The following FGD5 variants were observed in gnomAD, a reference collection of about 807,000 sequenced individuals.
The protein encoded by FGD5 is FYVE, RhoGEF and PH domain containing 5, also known as FYVE, RhoGEF and PH domain-containing protein 5.
A neutral mutation model predicts 133.4 loss-of-function variants in FGD5; 28 were observed. That is an observed-to-expected ratio of 0.21 (90% CI 0.16 to 0.29). The LOEUF (loss-of-function observed/expected upper bound fraction) is 0.29, where lower values mean the gene tolerates loss of function less well. FGD5 is among the 10% of genes least tolerant of loss of function. The pLI, the probability that FGD5 is intolerant of heterozygous loss-of-function variation, is 1.00. For missense variants in FGD5, 1,858 were observed against 1,895.2 expected (o/e 0.98, Z 0.36); for synonymous variants, 810 against 776.5 (o/e 1.04, Z -0.72).
intron 1 of FGD5, among the ~76,000 whole-genome samples, chr3:14,858,665 T>C (rs1455893207): frequency 1.3e-5 from 2 of 152,200 alleles, no homozygotes; most frequent in African/African-American, 4.8e-5. Context: ...GCTGAAAATA[T>C]AGAGCCTTGC....
intron 4 of FGD5, among the ~76,000 whole-genome samples, chr3:14,890,061 G>A (rs1459461208): frequency 6.6e-6 from 1 of 151,998 alleles, no homozygotes. Flanking sequence ...AAAATTTCAT[G>A]GTTTTCAGTA....
rs2038580560 is a variant in FGD5, at chr3:14,917,409, C to G, written c.3489+77C>G. The G allele has an allele frequency of 7.7e-7, 1 of 1,307,008 alleles. No homozygotes were observed. The highest frequency in any genetic ancestry group is 1.1e-6 in the Non-Finnish European group (1 of 929,182). 81.0% of individuals were successfully genotyped at this position (1,307,008 alleles called of 1,614,324 possible). A position where few individuals can be genotyped will look rare whatever the true frequency, so the allele number is the denominator to read the frequency against. ...GGGAGAAGGGGACAGCATCCTGCTC[C>G]CAGGAGCACCCAGACCAGCTGGAAG... On this transcript the variant is annotated intron_variant, in intron 12 of 19. Coordinates refer to ENST00000285046, the MANE Select transcript of FGD5 (RefSeq NM_152536.4). The surrounding 1 kb of genome is among the most constrained non-coding windows in gnomAD (Gnocchi z 4.1).
At chr3:14,845,801 T>A (rs768006310) in intron 1 of FGD5, among the ~76,000 whole-genome samples, 5 of 152,160 alleles carry the variant, frequency 3.3e-5, no homozygotes, top group Non-Finnish European at 5.9e-5. Flanking sequence ...TTAATACACT[T>A]TATGTTCAGA....
Position 14,922,060 on chromosome 3 carries a change from C to T in FGD5, c.3669+43C>T. 6.5e-7 allele frequency: 1 copy of T among 1,536,438 alleles called. No homozygotes were observed. Among genetic ancestry groups the T allele is most frequent in the Admixed American group, 2.0e-5 (1 of 50,994 alleles). ...GCCCACGGGCCACCAGCTTCAGAGA[C>T]CTGGGGTTCCCTGGGCGGGCATTGC... is the stretch of plus-strand genomic sequence containing the variant. On this transcript the variant is annotated intron_variant, in intron 14 of 19. Coordinates refer to ENST00000285046, the MANE Select transcript of FGD5 (RefSeq NM_152536.4). The surrounding 1 kb of genome is among the most constrained non-coding windows in gnomAD (Gnocchi z 4.1).
intron 2 of FGD5, among the ~76,000 whole-genome samples, chr3:14,867,652 G>T (rs1179751414): frequency 7.3e-5 from 11 of 151,652 alleles, no homozygotes; most frequent in African/African-American, 2.7e-4. Flanking sequence ...TGGGAAGGGA[G>T]GTTTCCCAAG....
chr3:14,872,808 T>G (rs950592450), intron 2 of FGD5, among the ~76,000 whole-genome samples: 2 of 152,208 alleles, frequency 1.3e-5, no homozygotes, highest in African/African-American at 2.4e-5. Context: ...AATCAGTCTC[T>G]TGTCCAGTCA....
Position 14,917,305 on chromosome 3 carries a change from G to A in FGD5, c.3462G>A (p.Lys1154=). ...AGAAGGATGGGAAGTACCGGCTGAA[G>A]AACACATTGGCTGTGGCCAACATGA... ...YPQKDGKYRL[K]NTLAVANMKV... The change falls in exon 12 of 20, where the codon AAG becomes AAA. Residue 1154 remains lysine (K), a synonymous_variant. Coordinates refer to ENST00000285046, the MANE Select transcript of FGD5 (RefSeq NM_152536.4). This position sits in a 1 kb window ranked among gnomAD's most constrained non-coding sequence, Gnocchi z 4.1. 1 of 1,613,602 alleles carries A rather than the reference G, an allele frequency of 6.2e-7. No homozygotes were observed. The highest frequency in any genetic ancestry group is 8.5e-7 in the Non-Finnish European group (1 of 1,179,752).
rs201519051 is a variant in FGD5 at position 14,927,947 on chromosome 3, T to A, written c.4197+1749T>A. ...GCCTAGCTAATTTTTTTTTTTTTTT[T>A]AATTTTTTTTTTTGAGATGGAGACT... On this transcript the variant is annotated intron_variant, in intron 18 of 19. Coordinates refer to ENST00000285046, the MANE Select transcript of FGD5 (RefSeq NM_152536.4). Among the ~76,000 whole-genome samples, 256 of 148,820 alleles carry A rather than the reference T, an allele frequency of 1.7e-3. 1 individual carries two copies. Among genetic ancestry groups the A allele is most frequent in the African/African-American group, 5.3e-3 (213 of 40,442 alleles).
rs2036475364 is a variant in FGD5 at position 14,820,676 on chromosome 3, G to A, written c.1605G>A (p.Arg535=). 4 of 1,593,754 alleles carry A rather than the reference G, an allele frequency of 2.5e-6. No individual in the cohort carries two copies. The highest frequency in any genetic ancestry group is 2.7e-5 in the African/African-American group (2 of 74,096). ...AGGGGAAGCCCTTGGAAGCCAGCAGGGCCTTGCCAGCAAAGCCCAGGGCCT... is the reference window on the plus strand; with the variant it reads ...AGGGGAAGCCCTTGGAAGCCAGCAGAGCCTTGCCAGCAAAGCCCAGGGCCT... ...SLEGKPLEAS[R]ALPAKPRAFT... is the part of the protein sequence containing the mutation. The change falls in exon 1 of 20, where the codon AGG becomes AGA. Residue 535 remains arginine, a synonymous_variant. Transcript: ENST00000285046.
At chr3:14,853,011 C>G (rs1239681645) in intron 1 of FGD5, among the ~76,000 whole-genome samples, 2 of 152,184 alleles carry the variant, frequency 1.3e-5, no homozygotes, top group Non-Finnish European at 2.9e-5. Context: ...GAAACTTAGC[C>G]TCCCCAGGAC....
chr3:14,904,505 G>GGTGTGT (rs55744974), intron 9 of FGD5, among the ~76,000 whole-genome samples: 18,571 of 150,654 alleles, frequency 0.12, 1,518 homozygotes, highest in East Asian at 0.42. Context: ...TAGATTTCAG[G>GGTGTGT]GTGTGTGTGT....
chr3:14,830,408 G>A (rs1037819769), intron 1 of FGD5, among the ~76,000 whole-genome samples: 1 of 152,080 alleles, frequency 6.6e-6, no homozygotes, highest in Non-Finnish European at 1.5e-5. Flanking sequence ...TAAGAAAATC[G>A]TGTCAGGAAC....
chr3:14,925,309 A>G (rs2038778942), intron 17 of FGD5, among the ~76,000 whole-genome samples: 2 of 152,072 alleles, frequency 1.3e-5, no homozygotes, highest in South Asian at 4.1e-4. Flanking sequence ...TTCTTTTTCT[A>G]CCCAGAAGAC....
chr3:14,842,207 C>T (rs185653973), intron 1 of FGD5, among the ~76,000 whole-genome samples: 92 of 152,336 alleles, frequency 6.0e-4, no homozygotes, highest in African/African-American at 2.1e-3. Flanking sequence ...ACCACAGCCA[C>T]GTCCCTTGCT....
intron 4 of FGD5, among the ~76,000 whole-genome samples, chr3:14,895,343 AGAT>A (rs1357367137): frequency 6.6e-6 from 1 of 152,176 alleles, no homozygotes; most frequent in Admixed American, 6.5e-5. Context: ...TGGAGGTCTT[AGAT>A]TTAAGTCTTT....
chr3:14,880,732 C>A lies in FGD5; in HGVS notation c.2718-10C>A, dbSNP rs117498178. On this transcript the variant is annotated splice_polypyrimidine_tract_variant and intron_variant, in intron 3 of 19. Coordinates refer to ENST00000285046, the MANE Select transcript of FGD5 (RefSeq NM_152536.4). Reference sequence around the variant, plus strand: ...GATTAATGCAGCCTCAACCCTCTTTCCCTCTGCAGATACGTGGAGATGCTC... The same window carrying A: ...GATTAATGCAGCCTCAACCCTCTTTACCTCTGCAGATACGTGGAGATGCTC... 4 of 1,614,048 alleles carry A rather than the reference C, an allele frequency of 2.5e-6. No individual in the cohort carries two copies. The highest frequency in any genetic ancestry group is 2.2e-5 in the East Asian group (1 of 44,892).
intron 12 of FGD5, among the ~76,000 whole-genome samples, chr3:14,918,396 T>C (rs577868493): frequency 1.3e-5 from 2 of 152,330 alleles, no homozygotes; most frequent in African/African-American, 4.8e-5. Flanking sequence ...TTTCTCAGCA[T>C]GGAGGTTTGT....
At position 14,850,932 on chromosome 3, in the gene FGD5, G is replaced by T. The variant is rs771673505; in HGVS notation, c.2526-13196G>T. Among the ~76,000 whole-genome samples, 45 of 152,198 alleles carry T rather than the reference G, an allele frequency of 3.0e-4. 1 individual carries two copies. Among genetic ancestry groups the T allele is most frequent in the Admixed American group, 1.5e-3 (23 of 15,282 alleles). ...GGAGTTGGTTTGGCTGTGTAGGCTGGTCGGTAATGCCAAAGATGTGGCAGG... is the reference window on the plus strand; with the variant it reads ...GGAGTTGGTTTGGCTGTGTAGGCTGTTCGGTAATGCCAAAGATGTGGCAGG... On this transcript the variant is annotated intron_variant, in intron 1 of 19. Coordinates refer to ENST00000285046, the MANE Select transcript of FGD5 (RefSeq NM_152536.4).
intron 2 of FGD5, among the ~76,000 whole-genome samples, chr3:14,877,714 C>T (rs1163021155): frequency 6.6e-6 from 1 of 152,174 alleles, no homozygotes; most frequent in East Asian, 1.9e-4. Context: ...CAAGCCCAGG[C>T]TGCTCTGATG....
Sources: allele counts gnomAD v4.1 joint callset (sites outside exome capture counted in the v4.1 genomes callset), GRCh38; gene constraint gnomAD v4.1.1; non-coding constraint Gnocchi (gnomAD v3.1); transcripts MANE v1.5; gene names NCBI Gene and HGNC (gene_info 2026-07-23, HGNC 2026-07-21).